Variants in ANKMY1 observed in about 807,000 individuals in gnomAD.
The protein encoded by ANKMY1 is ankyrin repeat and MYND domain-containing protein 1.
ANKMY1 carries 98 observed loss-of-function variants against 102.0 expected under a neutral mutation model. The observed-to-expected ratio is 0.96, with a 90% CI of 0.82 to 1.14. The LOEUF is 1.14. Ranked by LOEUF, ANKMY1 falls within the 50% of genes most tolerant of loss-of-function variation. ANKMY1 has a pLI of 0.00. For missense variants in ANKMY1, 1,330 were observed against 1,347.6 expected (o/e 0.99, Z 0.20); for synonymous variants, 582 against 559.9 (o/e 1.04, Z -0.56).
intron 15 of ANKMY1, among the ~76,000 whole-genome samples, chr2:240,496,369 T>C (rs912808289): frequency 4.1e-5 from 5 of 121,304 alleles, no homozygotes; most frequent in African/African-American, 1.5e-4. Context: ...GATAGATAGA[T>C]AGATAGATAG....
At chr2:240,481,133 C>G in intron 16 of ANKMY1, 36 bp from the exon 17 acceptor site, 1 of 1,589,748 alleles carries the variant, frequency 6.3e-7, no homozygotes, top group Non-Finnish European at 8.6e-7. Flanking sequence ...GGCGGCCACT[C>G]CAGAACCTGC....
At chr2:240,553,271 C>CT (rs2091848992) in intron 3 of ANKMY1, 4 of 588,294 alleles carry the variant, frequency 6.8e-6, no homozygotes, top group Non-Finnish European at 1.2e-5. Context: ...GGCTCCCTCT[C>CT]TGTCTTCTCC....
chr2:240,557,890 C>T lies in ANKMY1; in HGVS notation c.-27G>A. On this transcript the variant is annotated 5_prime_UTR_variant, in exon 1 of 18. Transcript: ENST00000401804. Reference sequence around the variant, plus strand: ...TGTCGCGAGACCGCACCAAGCAAGACTCGAAGAGCTCGCGCCGGACAGCAG... The same window carrying T: ...TGTCGCGAGACCGCACCAAGCAAGATTCGAAGAGCTCGCGCCGGACAGCAG... 1.0e-6 allele frequency: 1 copy of T among 985,646 alleles called. No individual in the cohort carries two copies. Among genetic ancestry groups the T allele is most frequent in the East Asian group, 1.1e-4 (1 of 8,804 alleles). 61.1% of individuals were successfully genotyped at this position (985,646 alleles called of 1,614,324 possible). A position where few individuals can be genotyped will look rare whatever the true frequency, so the allele number is the denominator to read the frequency against.
intron 4 of ANKMY1, among the ~76,000 whole-genome samples, chr2:240,543,627 T>G: frequency 6.6e-6 from 1 of 152,108 alleles, no homozygotes; most frequent in East Asian, 1.9e-4. Flanking sequence ...AACTTTAAGG[T>G]TCTTATTTAG....
rs567713551 is a variant in ANKMY1, at chr2:240,529,314, C to T, written c.676G>A (p.Glu226Lys). The stretch of plus-strand genomic sequence containing the variant: ...TGCAGTCCCCACTCCGTTTTCTCCT[C>T]TTCTGAGAGGCTGATCCTGGCAGGG... ...HSPARISLSE[E>K]EKTEWGLQEG... The change falls in exon 5 of 18, where the codon GAG becomes AAG. Residue 226 changes from glutamate to lysine, a missense_variant. Coordinates refer to ENST00000401804, the MANE Select transcript of ANKMY1 (RefSeq NM_001282771.3). This position sits in a 1 kb window ranked among gnomAD's most constrained non-coding sequence, Gnocchi z 4.2. 1.1e-4 allele frequency: 176 copies of T among 1,614,084 alleles called. No homozygotes were observed. In the Admixed American group the frequency reaches 2.8e-3, roughly 26 times the overall value.
At chr2:240,516,143 T>C (rs2081163861) in intron 9 of ANKMY1, among the ~76,000 whole-genome samples, 1 of 104,846 alleles carries the variant, frequency 9.5e-6, no homozygotes, top group Non-Finnish European at 1.9e-5. Flanking sequence ...GTAAAGGTTT[T>C]TGTGGGGTTT....
chr2:240,500,107 C>T lies in ANKMY1; in HGVS notation c.2657G>A (p.Arg886His), dbSNP rs766337407. Residue 886 changes from arginine (R) to histidine (H), a missense_variant, in exon 15 of 18, where the codon CGC becomes CAC. Transcript: ENST00000401804. ...TGGCATCAGCGTGTGGAAGGGGCAG[C>T]GGGCAATCCTCCGGTCCTGCGGCAC... The part of the protein sequence containing the change: ...FRFFQDRRIA[R>H]CPFHTLMPAE... 8.1e-6 allele frequency: 13 copies of T among 1,605,548 alleles called. No homozygotes were observed. The highest frequency in any genetic ancestry group is 2.3e-5 in the East Asian group (1 of 44,426).
intron 15 of ANKMY1, among the ~76,000 whole-genome samples, chr2:240,486,959 A>G (rs538482720): frequency 1.2e-3 from 177 of 152,340 alleles, no homozygotes; most frequent in African/African-American, 4.2e-3. Flanking sequence ...GTTTTGTGAC[A>G]TGTATATACT....
At chr2:240,512,074 G>A (rs982802822) in intron 10 of ANKMY1, 73 bp from the exon 11 acceptor site, 2 of 1,454,056 alleles carry the variant, frequency 1.4e-6, no homozygotes, top group Admixed American at 5.7e-5. Flanking sequence ...ACGGAGCAAG[G>A]GAGCTTCCTC....
chr2:240,547,303 T>C (rs988266857), intron 4 of ANKMY1, among the ~76,000 whole-genome samples: 2 of 152,134 alleles, frequency 1.3e-5, no homozygotes, highest in African/African-American at 4.8e-5. Flanking sequence ...AAAGATATTC[T>C]TTGAAACCAA....
chr2:240,548,376 A>C (rs968613758), intron 4 of ANKMY1, among the ~76,000 whole-genome samples: 2 of 152,194 alleles, frequency 1.3e-5, no homozygotes, highest in African/African-American at 4.8e-5. Flanking sequence ...AAATAATAAG[A>C]GCTATCTATG....
intron 10 of ANKMY1, 24 bp downstream of exon 10, chr2:240,512,778 C>G: frequency 6.2e-7 from 1 of 1,605,566 alleles, no homozygotes. Flanking sequence ...CCCCATACCC[C>G]TATCCAGGTC....
upstream of ANKMY1, chr2:240,560,456 G>C: frequency 1.8e-6 from 1 of 562,960 alleles, no homozygotes; most frequent in East Asian, 3.7e-5. Flanking sequence ...CCGGCGCCCT[G>C]GTGAGGCCCA....
chr2:240,504,727 C>T (rs1308429451), intron 13 of ANKMY1, among the ~76,000 whole-genome samples: 1 of 152,182 alleles, frequency 6.6e-6, no homozygotes, highest in Non-Finnish European at 1.5e-5. Context: ...AATGAGAAGG[C>T]CGGGTGTGGT....
At chr2:240,556,617 C>T (rs542520061) in intron 2 of ANKMY1, among the ~76,000 whole-genome samples, 1 of 152,336 alleles carries the variant, frequency 6.6e-6, no homozygotes, top group African/African-American at 2.4e-5. Flanking sequence ...ACTCTGAGCC[C>T]TTTGCAGCCT....
intron 4 of ANKMY1, among the ~76,000 whole-genome samples, chr2:240,540,035 T>C (rs900841827): frequency 1.3e-5 from 2 of 152,260 alleles, no homozygotes; most frequent in African/African-American, 2.4e-5. Flanking sequence ...AAGCCATGCA[T>C]GGCAAGGCCA....
At chr2:240,553,095 T>A in intron 3 of ANKMY1, 38 bp from the exon 4 acceptor site, 1 of 1,606,654 alleles carries the variant, frequency 6.2e-7, no homozygotes, top group South Asian at 1.1e-5. Flanking sequence ...TTGCTGCTCT[T>A]CCAGAACCTG....
intron 4 of ANKMY1, among the ~76,000 whole-genome samples, chr2:240,540,070 A>G (rs2088258896): frequency 6.6e-6 from 1 of 152,246 alleles, no homozygotes; most frequent in Admixed American, 6.5e-5. Context: ...CAATCTTGCT[A>G]TGTAGCATCC....
Position 240,499,304 on chromosome 2 carries a change from A to G in ANKMY1, c.2806+654T>C, listed in dbSNP as rs182162990. Among the ~76,000 whole-genome samples, 176 of 145,044 alleles carry G rather than the reference A, an allele frequency of 1.2e-3. No homozygotes were observed. The highest frequency in any genetic ancestry group is 2.3e-3 in the Non-Finnish European group (154 of 65,780). On this transcript the variant is annotated intron_variant, in intron 15 of 17. Coordinates refer to ENST00000401804, the MANE Select transcript of ANKMY1 (RefSeq NM_001282771.3). This position sits in a 1 kb window ranked among gnomAD's most constrained non-coding sequence, Gnocchi z 4.2. ...GTGGGTCTGTGTGTGCGAGGTAGAC[A>G]AGAGTAGGTAAATGTGAGGGTGGGA...
Sources: allele counts gnomAD v4.1 joint callset (sites outside exome capture counted in the v4.1 genomes callset), GRCh38; gene constraint gnomAD v4.1.1; non-coding constraint Gnocchi (gnomAD v3.1); transcripts MANE v1.5; gene names NCBI Gene and HGNC (gene_info 2026-07-23, HGNC 2026-07-21).